NPSR1: variants seen among roughly 807,000 people sequenced by gnomAD.
NPSR1 encodes the protein neuropeptide S receptor.
A neutral mutation model predicts 46.9 loss-of-function variants in NPSR1; 48 were observed. The ratio of observed to expected loss-of-function variants is 1.02; its 90% confidence interval spans 0.81 to 1.30. NPSR1 has a LOEUF of 1.30. Ranked by LOEUF, NPSR1 falls within the 50% of genes most tolerant of loss-of-function variation. NPSR1 has a pLI of 0.00. For synonymous variants in NPSR1, 176 were observed against 168.1 expected, an observed-to-expected ratio of 1.05 and a Z score of -0.36; for missense variants, 450 against 449.5, an observed-to-expected ratio of 1.00 and a Z score of -0.01.
At chr7:34,838,551 G>A (rs960876134) in intron 6 of NPSR1, among the ~76,000 whole-genome samples, 6 of 152,100 alleles carry the variant, frequency 3.9e-5, no homozygotes, top group Non-Finnish European at 5.9e-5. Context: ...CGCATGCCAG[G>A]ATTATTGCTC....
chr7:34,857,665 A>G (rs1056614472), intron 8 of NPSR1, among the ~76,000 whole-genome samples: 7 of 151,812 alleles, frequency 4.6e-5, no homozygotes, highest in Non-Finnish European at 7.3e-5. Flanking sequence ...ACAAAACACA[A>G]AACACTGTAC....
chr7:34,802,402 A>T lies in NPSR1; in HGVS notation c.385-9368A>T, dbSNP rs1220738345. Among the ~76,000 whole-genome samples, 37 of 150,256 alleles carry T rather than the reference A, an allele frequency of 2.5e-4. 1 individual carries two copies. The South Asian group carries it at 7.5e-3, about 30-fold the overall frequency. On this transcript the variant is annotated intron_variant, in intron 3 of 8. Transcript: ENST00000360581. ...AATGGAACAGAACAGAGCCCTCAGA[A>T]ATAACGCCGCATATCTACAACTATC...
rs1420187778 is a variant in NPSR1 at position 34,791,169 on chromosome 7, ATATAT to A, written c.384+12615_384+12619del. ...TAATATGTTATATATTATATATGTT[ATATAT>A]TATATTATATATGTTATATGTTATA... is the stretch of plus-strand genomic sequence containing the variant. On this transcript the variant is annotated intron_variant, in intron 3 of 8. Transcript: ENST00000360581. Among the ~76,000 whole-genome samples, 77 of 68,656 alleles carry A rather than the reference ATATAT, an allele frequency of 1.1e-3. 1 individual carries two copies. The highest frequency in any genetic ancestry group is 4.1e-3 in the African/African-American group (57 of 13,860). 45.0% of individuals were successfully genotyped at this position (68,656 alleles called of 152,430 possible).
chr7:34,813,208 A>G (rs560819313), intron 4 of NPSR1, among the ~76,000 whole-genome samples: 10 of 152,310 alleles, frequency 6.6e-5, no homozygotes, highest in African/African-American at 2.2e-4. Context: ...TAACTAGTCT[A>G]TGGAAGAAGT....
At chr7:34,715,810 C>T (rs1783532804) in intron 2 of NPSR1, among the ~76,000 whole-genome samples, 1 of 152,192 alleles carries the variant, frequency 6.6e-6, no homozygotes, top group African/African-American at 2.4e-5. Flanking sequence ...CCATGATGCT[C>T]AGGCTACCAT....
At chr7:34,852,528 T>C (rs1286236479), downstream of NPSR1, among the ~76,000 whole-genome samples, 1 of 152,134 alleles carries the variant, frequency 6.6e-6, no homozygotes, top group African/African-American at 2.4e-5. Flanking sequence ...GTCCAGAGAC[T>C]GAGAGCTTCT....
At chr7:34,833,639 T>C (rs1171033043) in intron 5 of NPSR1, among the ~76,000 whole-genome samples, 1 of 152,190 alleles carries the variant, frequency 6.6e-6, no homozygotes, top group Non-Finnish European at 1.5e-5. Context: ...AAGATACATT[T>C]GTTATCTCAC....
At chr7:34,730,142 T>A (rs1201416725) in intron 2 of NPSR1, among the ~76,000 whole-genome samples, 1 of 152,224 alleles carries the variant, frequency 6.6e-6, no homozygotes, top group African/African-American at 2.4e-5. Flanking sequence ...TGAGTGACAT[T>A]TTAAAACTTT....
At chr7:34,766,202 T>A (rs1361198445) in intron 2 of NPSR1, among the ~76,000 whole-genome samples, 3 of 152,088 alleles carry the variant, frequency 2.0e-5, no homozygotes, top group Admixed American at 6.5e-5. Context: ...CAGTCCTGAG[T>A]GCTAGAAAGT....
intron 2 of NPSR1, among the ~76,000 whole-genome samples, chr7:34,702,984 T>C (rs1342659463): frequency 6.6e-6 from 1 of 152,224 alleles, no homozygotes. Flanking sequence ...AGCTACAGAA[T>C]CATAACTGGT....
intron 3 of NPSR1, among the ~76,000 whole-genome samples, chr7:34,794,684 T>C (rs1788093228): frequency 6.6e-6 from 1 of 152,114 alleles, no homozygotes; most frequent in Admixed American, 6.6e-5. Flanking sequence ...TTCTAACTCA[T>C]TGTATAAGGT....
intron 3 of NPSR1, among the ~76,000 whole-genome samples, chr7:34,797,870 A>T (rs1231715346): frequency 6.6e-6 from 1 of 152,174 alleles, no homozygotes; most frequent in Non-Finnish European, 1.5e-5. Flanking sequence ...AGTATAATAA[A>T]ATATTTAAAG....
chr7:34,791,777 A>G (rs1251649150), intron 3 of NPSR1, among the ~76,000 whole-genome samples: 1 of 152,154 alleles, frequency 6.6e-6, no homozygotes, highest in Non-Finnish European at 1.5e-5. Flanking sequence ...TCAAGGCATC[A>G]CACTTCCTGC....
At chr7:34,669,886 C>T (rs1404997487) in intron 1 of NPSR1, among the ~76,000 whole-genome samples, 1 of 152,032 alleles carries the variant, frequency 6.6e-6, no homozygotes, top group Non-Finnish European at 1.5e-5. Flanking sequence ...TCGAGAGGAT[C>T]GTGAAAAAAC....
intron 2 of NPSR1, among the ~76,000 whole-genome samples, chr7:34,766,972 CATT>C (rs1786466584): frequency 6.6e-6 from 1 of 152,096 alleles, no homozygotes; most frequent in South Asian, 2.1e-4. Flanking sequence ...ATAAAGAACA[CATT>C]AGTGTTTGCT....
intron 4 of NPSR1, among the ~76,000 whole-genome samples, chr7:34,814,407 G>T (rs1037216134): frequency 6.6e-6 from 1 of 152,238 alleles, no homozygotes; most frequent in Non-Finnish European, 1.5e-5. Flanking sequence ...ACTGGGTGGA[G>T]CCCACTGCAG....
At chr7:34,764,947 T>A (rs901372755) in intron 2 of NPSR1, among the ~76,000 whole-genome samples, 1 of 152,080 alleles carries the variant, frequency 6.6e-6, no homozygotes, top group African/African-American at 2.4e-5. Flanking sequence ...GTAGCAAGCA[T>A]TGAGTAACAA....
In NPSR1 at chr7:34,749,108, C is replaced by A. The variant is rs180738009; in HGVS notation, c.281-29354C>A. On this transcript the variant is annotated intron_variant, in intron 2 of 8. Coordinates refer to ENST00000360581, the MANE Select transcript of NPSR1 (RefSeq NM_207172.2). ...ATGCCCCCTGAATGGTCTCTTCTCCCAAATAAATAATACCTGATTCTCCCT... is the reference window on the plus strand; with the variant it reads ...ATGCCCCCTGAATGGTCTCTTCTCCAAAATAAATAATACCTGATTCTCCCT... Among the ~76,000 whole-genome samples the A allele has an allele frequency of 2.6e-5, 4 of 151,986 alleles. No individual in the cohort carries two copies. In the East Asian group the frequency reaches 7.7e-4, roughly 29 times the overall value.
intron 1 of NPSR1, among the ~76,000 whole-genome samples, chr7:34,674,338 G>T (rs1041900399): frequency 2.0e-5 from 3 of 152,122 alleles, no homozygotes; most frequent in African/African-American, 7.2e-5. Flanking sequence ...GCTCCTACCT[G>T]TTTCACTTAA....
Sources: allele counts gnomAD v4.1 joint callset (sites outside exome capture counted in the v4.1 genomes callset), GRCh38; gene constraint gnomAD v4.1.1; transcripts MANE v1.5; gene names NCBI Gene and HGNC (gene_info 2026-07-23, HGNC 2026-07-21).